Variants in PHKB observed in about 807,000 individuals in gnomAD.
The protein encoded by PHKB is phosphorylase b kinase regulatory subunit beta.
In PHKB, 122 loss-of-function variants were observed where a neutral mutation model predicts 152.1. The observed-to-expected ratio is 0.80, with a 90% CI of 0.69 to 0.93. The LOEUF (loss-of-function observed/expected upper bound fraction) is 0.93. Ranked by LOEUF, PHKB falls within the 40% of genes least tolerant of loss-of-function variation. PHKB has a pLI of 0.00. For synonymous variants in PHKB, 436 were observed against 464.9 expected (o/e 0.94, Z 0.80); for missense variants, 1,304 against 1,328.4 (o/e 0.98, Z 0.29).
At chr16:47,598,923 C>A in intron 13 of PHKB, 1 of 1,582,670 alleles carries the variant, frequency 6.3e-7, no homozygotes, top group East Asian at 2.2e-5. Context: ...TCTTTGTGTA[C>A]AATATTCTTA....
chr16:47,546,730 C>T (rs565201152), intron 6 of PHKB, among the ~76,000 whole-genome samples: 8 of 152,288 alleles, frequency 5.3e-5, no homozygotes, highest in South Asian at 2.1e-4. Flanking sequence ...TCTACAGAAG[C>T]AGGGGTCCTC....
At chr16:47,635,880 C>T (rs1262991423) in intron 14 of PHKB, among the ~76,000 whole-genome samples, 2 of 152,190 alleles carry the variant, frequency 1.3e-5, no homozygotes, top group Non-Finnish European at 2.9e-5. Flanking sequence ...TAAGCAGTTC[C>T]TGGCATGTGG....
chr16:47,595,945 A>T (rs1972110123), intron 12 of PHKB, among the ~76,000 whole-genome samples: 1 of 152,164 alleles, frequency 6.6e-6, no homozygotes, highest in Admixed American at 6.5e-5. Context: ...CTTTCTAATC[A>T]TTACAGTGTC....
intron 25 of PHKB, chr16:47,665,742 G>A: frequency 1.6e-6 from 1 of 642,610 alleles, no homozygotes; most frequent in Non-Finnish European, 2.8e-6. Context: ...ATGAGGTGGA[G>A]GGATCCCTCC....
In PHKB at chr16:47,588,955, G is replaced by A. The variant is rs575851537; in HGVS notation, c.921G>A (p.Leu307=). The A allele has an allele frequency of 3.1e-6, 5 of 1,613,828 alleles. No homozygotes were observed. The highest frequency in any genetic ancestry group is 2.2e-5 in the East Asian group (1 of 44,870). Residue 307 remains leucine, a synonymous_variant, in exon 10 of 31, where the codon CTG becomes CTA. Transcript: ENST00000323584. The part of the protein sequence containing the change: ...LPCISYPAFA[L]DDEVLFSQTL... ...GCATCAGTTATCCTGCATTTGCCCT[G>A]GATGATGAAGTTCTTTTTAGCCAGA...
chr16:47,640,430 T>C (rs1597143107), intron 14 of PHKB, among the ~76,000 whole-genome samples: 1 of 152,154 alleles, frequency 6.6e-6, no homozygotes, highest in East Asian at 1.9e-4. Context: ...GAGTAGCAAA[T>C]ATCCAACACT....
chr16:47,606,075 G>A (rs538402503), intron 13 of PHKB, among the ~76,000 whole-genome samples: 4 of 152,318 alleles, frequency 2.6e-5, no homozygotes, highest in African/African-American at 9.6e-5. Flanking sequence ...TAACTGTGTA[G>A]GTATTGCTGC....
chr16:47,657,862 T>C (rs1973366315), intron 20 of PHKB, among the ~76,000 whole-genome samples: 1 of 152,210 alleles, frequency 6.6e-6, no homozygotes, highest in Non-Finnish European at 1.5e-5. Context: ...TCCTATTGTC[T>C]CTATCCTCAG....
intron 12 of PHKB, among the ~76,000 whole-genome samples, 183 bp downstream of exon 12, chr16:47,594,397 A>G (rs1466741281): frequency 2.0e-5 from 3 of 152,252 alleles, no homozygotes; most frequent in Non-Finnish European, 4.4e-5. Flanking sequence ...CTAGGTGGAC[A>G]TGGCAATAGT....
At chr16:47,473,084 GAC>G (rs1379222575) in intron 1 of PHKB, among the ~76,000 whole-genome samples, 2 of 151,388 alleles carry the variant, frequency 1.3e-5, no homozygotes, top group Non-Finnish European at 2.9e-5. Flanking sequence ...TTGTTTTTGA[GAC>G]AGGGTCTTGC....
intron 20 of PHKB, 143 bp from the exon 21 acceptor site, chr16:47,660,363 C>A: frequency 4.4e-6 from 3 of 684,894 alleles, no homozygotes; most frequent in East Asian, 2.7e-5. Flanking sequence ...TTAGAATGTT[C>A]ATTTAAGAAT....
chr16:47,660,457 A>G (rs1443603253), intron 20 of PHKB, 49 bp from the exon 21 acceptor site: 3 of 1,452,188 alleles, frequency 2.1e-6, no homozygotes, highest in Middle Eastern at 1.9e-4. Flanking sequence ...CCATTAGAGT[A>G]TGGCTTGATG....
At chr16:47,579,853 T>A (rs983243362) in intron 7 of PHKB, among the ~76,000 whole-genome samples, 6 of 152,184 alleles carry the variant, frequency 3.9e-5, no homozygotes, top group Non-Finnish European at 7.4e-5. Flanking sequence ...TAAGCCACAC[T>A]CTGATAGTTG....
At chr16:47,593,314 C>T (rs548502669) in intron 10 of PHKB, among the ~76,000 whole-genome samples, 186 bp from the exon 11 acceptor site, 2 of 151,618 alleles carry the variant, frequency 1.3e-5, no homozygotes, top group Non-Finnish European at 2.9e-5. Context: ...GTCTATAGTC[C>T]CAGCCCTCCC....
chr16:47,604,178 T>A (rs1484783059), intron 13 of PHKB, among the ~76,000 whole-genome samples: 1 of 152,252 alleles, frequency 6.6e-6, no homozygotes, highest in African/African-American at 2.4e-5. Context: ...TTTGCCCATT[T>A]AATCTTGGTT....
intron 7 of PHKB, chr16:47,547,902 C>T: frequency 3.2e-6 from 1 of 313,190 alleles, no homozygotes; most frequent in South Asian, 2.8e-5. Flanking sequence ...TTAAAATTTT[C>T]AAACACCAGT....
At chr16:47,571,822 A>G (rs558554505) in intron 7 of PHKB, among the ~76,000 whole-genome samples, 1 of 152,296 alleles carries the variant, frequency 6.6e-6, no homozygotes, top group East Asian at 1.9e-4. Context: ...CTCTGCTGAA[A>G]GAAACTTCCC....
At chr16:47,692,520 G>T (rs1237881501) in intron 27 of PHKB, among the ~76,000 whole-genome samples, 1 of 152,106 alleles carries the variant, frequency 6.6e-6, no homozygotes, top group East Asian at 1.9e-4. Context: ...AAAGGCTGAG[G>T]TGGGAGGATC....
rs371016106 is a variant in PHKB at position 47,669,211 on chromosome 16, G to T, written c.2428-4G>T. The T allele has an allele frequency of 2.4e-5, 38 of 1,611,332 alleles. No homozygotes were observed. Among genetic ancestry groups the T allele is most frequent in the Admixed American group, 1.2e-4 (7 of 59,964 alleles). On this transcript the variant is annotated splice_polypyrimidine_tract_variant and splice_region_variant and intron_variant, in intron 25 of 30. Coordinates refer to ENST00000323584, the MANE Select transcript of PHKB (RefSeq NM_000293.3). ...ATTTTACAATAAAATTCTGCCACTT[G>T]TAGGTAACTCTGGGTGCCTTTGGGC...
Sources: gnomAD v4.1 joint callset for allele counts (sites outside exome capture counted in the v4.1 genomes callset) on GRCh38, gnomAD v4.1.1 for gene constraint, MANE v1.5 for transcripts, NCBI Gene and HGNC (gene_info 2026-07-23, HGNC 2026-07-21) for gene names.